CFAP46: variants seen among roughly 807,000 people sequenced by gnomAD.
CFAP46 encodes the protein cilia and flagella associated protein 46, also known as cilia- and flagella-associated protein 46.
In CFAP46, 245 loss-of-function variants were observed where a neutral mutation model predicts 325.7. The ratio of observed to expected loss-of-function variants is 0.75; its 90% CI spans 0.68 to 0.84. The LOEUF (loss-of-function observed/expected upper bound fraction) is 0.84. CFAP46 is among the 40% of genes least tolerant of loss of function. The pLI is 0.00. For synonymous variants in CFAP46, 1,523 were observed against 1,495.9 expected (o/e 1.02, Z -0.42); for missense variants, 3,346 against 3,543.0 (o/e 0.94, Z 1.41).
At chr10:132,938,185 G>A (rs1850039933) in intron 5 of CFAP46, among the ~76,000 whole-genome samples, 1 of 152,222 alleles carries the variant, frequency 6.6e-6, no homozygotes, top group African/African-American at 2.4e-5. Context: ...GCCCTGTGCT[G>A]CCCCAACTTC....
chr10:132,903,938 T>C (rs931658270), intron 22 of CFAP46, among the ~76,000 whole-genome samples: 2 of 152,226 alleles, frequency 1.3e-5, no homozygotes, highest in African/African-American at 2.4e-5. Context: ...TTGACACTAA[T>C]AGCATAAATG....
intron 18 of CFAP46, 63 bp from the exon 19 acceptor site, chr10:132,912,883 C>A: frequency 6.5e-7 from 1 of 1,530,782 alleles, no homozygotes. Flanking sequence ...ATCCCATGTG[C>A]TGAGTCCTCA....
At position 132,937,580 on chromosome 10, in the gene CFAP46, T is replaced by G. The variant is rs1246922661; in HGVS notation, c.632A>C (p.Gln211Pro). 4 of 1,613,702 alleles carry G rather than the reference T, an allele frequency of 2.5e-6. No homozygotes were observed. The highest frequency in any genetic ancestry group is 3.4e-6 in the Non-Finnish European group (4 of 1,179,972). ...AAPFIKSHVP[Q>P]KYRQIFSVMV... ...AACAGAGAATATCTGCCGGTATTTC[T>G]GTGGCACGTGAGACTTAATGAACGG... The change falls in exon 6 of 58, where the codon CAG (glutamine) becomes CCG (proline). Residue 211 changes from glutamine to proline, a missense_variant. By Grantham distance (76) the Gln-to-Pro change is moderately conservative. Transcript: ENST00000368586.
At chr10:132,915,263 C>T (rs1257134576) in intron 17 of CFAP46, among the ~76,000 whole-genome samples, 1 of 152,254 alleles carries the variant, frequency 6.6e-6, no homozygotes, top group Non-Finnish European at 1.5e-5. Flanking sequence ...CTCTGCCCAG[C>T]CTTGGGCCTG....
chr10:132,856,336 C>T (rs1046397018), intron 39 of CFAP46, among the ~76,000 whole-genome samples: 3 of 152,192 alleles, frequency 2.0e-5, no homozygotes, highest in Non-Finnish European at 4.4e-5. Context: ...GCTTGGGACT[C>T]ATTCAGCTTC....
chr10:132,834,550 C>T (rs575678476), intron 48 of CFAP46, 104 bp downstream of exon 48: 29 of 1,487,010 alleles, frequency 2.0e-5, no homozygotes, highest in East Asian at 1.4e-4. Flanking sequence ...TGAACAAAGG[C>T]GGCCGAGAAG....
intron 43 of CFAP46, 74 bp from the exon 44 acceptor site, chr10:132,846,301 C>A (rs968211430): frequency 6.6e-7 from 1 of 1,505,278 alleles, no homozygotes; most frequent in Non-Finnish European, 8.9e-7. Context: ...GCGGAGGGTG[C>A]GCAGCAGCTG....
intron 22 of CFAP46, among the ~76,000 whole-genome samples, chr10:132,906,153 G>C (rs1250681831): frequency 6.6e-6 from 1 of 152,246 alleles, no homozygotes; most frequent in Non-Finnish European, 1.5e-5. Flanking sequence ...CCGGCCCTTT[G>C]CTGCCACGCT....
intron 34 of CFAP46, among the ~76,000 whole-genome samples, chr10:132,867,121 C>T (rs977650984): frequency 1.3e-5 from 2 of 151,918 alleles, no homozygotes; most frequent in African/African-American, 4.8e-5. Context: ...CAAACAGACA[C>T]ACAGGCCGGC....
chr10:132,899,573 C>T lies in CFAP46; in HGVS notation c.3018G>A (p.Leu1006=). The T allele has an allele frequency of 6.5e-7, 1 of 1,549,654 alleles. No individual in the cohort carries two copies. The highest frequency in any genetic ancestry group is 8.7e-7 in the Non-Finnish European group (1 of 1,146,940). The change falls in exon 23 of 58, where the codon CTG becomes CTA. Residue 1006 remains leucine, a synonymous_variant. Transcript: ENST00000368586. The stretch of plus-strand genomic sequence containing the variant: ...TGAAGGCCTTGGCTGCCACCAGTCG[C>T]AGCTGCTTCCGGCCCTTCAGGTTTT... ...IMENLKGRKQ[L]RLVAAKAFTE...
chr10:132,864,582 T>TGCACACACCTGTCCCCC (rs1221325371), intron 35 of CFAP46, among the ~76,000 whole-genome samples: 8 of 65,664 alleles, frequency 1.2e-4, no homozygotes, highest in Non-Finnish European at 2.0e-4. Context: ...TCTGTCCCCC[T>TGCACACACCTGTCCCCC]GCCTGAGACC....
chr10:132,894,520 T>A (rs975509267), intron 24 of CFAP46, among the ~76,000 whole-genome samples: 2 of 151,268 alleles, frequency 1.3e-5, no homozygotes, highest in Non-Finnish European at 2.9e-5. Flanking sequence ...ATAAAGAAAA[T>A]CTACTGTTTA....
intron 19 of CFAP46, among the ~76,000 whole-genome samples, 186 bp from the exon 20 acceptor site, chr10:132,910,254 A>T (rs1849521676): frequency 6.6e-6 from 1 of 152,124 alleles, no homozygotes; most frequent in Non-Finnish European, 1.5e-5. Context: ...CCACCCCCAG[A>T]CGCCGAGGAC....
intron 41 of CFAP46, among the ~76,000 whole-genome samples, chr10:132,850,001 C>T (rs946513738): frequency 2.0e-5 from 3 of 152,154 alleles, no homozygotes; most frequent in South Asian, 2.1e-4. Flanking sequence ...TGCTGTGGGC[C>T]GACCCAAGTG....
rs577575249 is a variant in CFAP46, at chr10:132,939,954, T to G, written c.371+1042A>C. Among the ~76,000 whole-genome samples, 6 of 152,258 alleles carry G rather than the reference T, an allele frequency of 3.9e-5. No homozygotes were observed. Among genetic ancestry groups the G allele is most frequent in the Middle Eastern group, 3.4e-3 (1 of 294 alleles). On this transcript the variant is annotated intron_variant, in intron 4 of 57. Transcript: ENST00000368586. The surrounding 1 kb of genome is among the most constrained non-coding windows in gnomAD (Gnocchi z 4.6). ...ACCCTTCCCAAAGATGGTCCTGACCTCTGGCAAGGCTCTGTCACCCCCTGA... is the reference window on the plus strand; with the variant it reads ...ACCCTTCCCAAAGATGGTCCTGACCGCTGGCAAGGCTCTGTCACCCCCTGA...
chr10:132,845,804 C>T (rs984010764), intron 44 of CFAP46, among the ~76,000 whole-genome samples: 6 of 152,136 alleles, frequency 3.9e-5, no homozygotes, highest in African/African-American at 1.4e-4. Context: ...CCTGGCTGTG[C>T]GTTTGTAGTT....
intron 50 of CFAP46, among the ~76,000 whole-genome samples, chr10:132,826,089 C>T (rs1222001466): frequency 3.5e-5 from 4 of 112,998 alleles, no homozygotes; most frequent in Non-Finnish European, 7.3e-5. Flanking sequence ...AGGCAGGAGC[C>T]GGAGCCACAG....
intron 35 of CFAP46, among the ~76,000 whole-genome samples, chr10:132,864,372 C>CT (rs1848774790): frequency 2.4e-5 from 3 of 123,702 alleles, no homozygotes; most frequent in Admixed American, 7.6e-5. Flanking sequence ...ACACCTGTCC[C>CT]CAGTGCCTGA....
At position 132,912,774 on chromosome 10, in the gene CFAP46, G is replaced by A. The variant is rs1849573409; in HGVS notation, c.2380C>T (p.Leu794=). 1 of 1,550,068 alleles carries A rather than the reference G, an allele frequency of 6.5e-7. No individual in the cohort carries two copies. The highest frequency in any genetic ancestry group is 1.4e-5 in the African/African-American group (1 of 73,066). ...VTLCNTLARG[L]IISWIPVQAA... is the part of the protein sequence containing the mutation. ...TGGACTGGAATCCAGCTGATGATCA[G>A]GCCTCGCGCCAAGGTGTTGCAGAGC... Residue 794 remains leucine (L), a synonymous_variant, in exon 19 of 58, where the codon CTG becomes TTG. Coordinates refer to ENST00000368586, the MANE Select transcript of CFAP46 (RefSeq NM_001200049.3).
Sources: gnomAD v4.1 joint callset for allele counts (sites outside exome capture counted in the v4.1 genomes callset) on GRCh38, gnomAD v4.1.1 for gene constraint, Gnocchi (gnomAD v3.1) non-coding constraint, MANE v1.5 for transcripts, NCBI Gene and HGNC (gene_info 2026-07-23, HGNC 2026-07-21) for gene names.